The following SPARCL1 variants were observed in gnomAD, a reference collection of about 807,000 sequenced individuals.
The protein encoded by SPARCL1 is SPARC like 1.
A neutral mutation model predicts 67.1 loss-of-function variants in SPARCL1; 52 were observed. The observed-to-expected ratio is 0.78, with a 90% CI of 0.62 to 0.98. SPARCL1 has a LOEUF of 0.98. Among genes scored for constraint, SPARCL1 ranks in the 50% least tolerant of loss-of-function variants. The pLI is 0.00. For synonymous variants in SPARCL1, 226 were observed against 267.8 expected (o/e 0.84, Z 1.52); for missense variants, 717 against 782.4 (o/e 0.92, Z 1.00).
Position 87,494,070 on chromosome 4 carries a change from A to C in SPARCL1, c.730T>G (p.Leu244Val). 1 of 1,613,964 alleles carries C rather than the reference A, an allele frequency of 6.2e-7. No individual in the cohort carries two copies. The highest frequency in any genetic ancestry group is 1.7e-5 in the Admixed American group (1 of 60,010). ...EEDNTQSDDI[L>V]EESDQPTQVS... The stretch of plus-strand genomic sequence containing the variant: ...TGAGTTGGTTGATCAGACTCTTCCA[A>C]AATATCATCAGATTGGGTATTGTCT... Residue 244 changes from leucine to valine, a missense_variant, in exon 4 of 11, where the codon TTG (leucine) becomes GTG (valine). By Grantham distance (32) the Leu-to-Val change is conservative. Coordinates refer to ENST00000282470, the MANE Select transcript of SPARCL1 (RefSeq NM_004684.6).
intron 7 of SPARCL1, among the ~76,000 whole-genome samples, chr4:87,485,615 G>T (rs1216974055): frequency 2.7e-5 from 4 of 148,828 alleles, no homozygotes; most frequent in African/African-American, 9.9e-5. Flanking sequence ...TTTTTCTATT[G>T]TTTGGAATAC....
At chr4:87,523,621 G>A (rs1282296206) in intron 1 of SPARCL1, among the ~76,000 whole-genome samples, 1 of 152,176 alleles carries the variant, frequency 6.6e-6, no homozygotes, top group Non-Finnish European at 1.5e-5. Flanking sequence ...TTACAGCGTG[G>A]ATCCAGTGAA....
chr4:87,528,192 CCTTTCTTTT>C (rs1726131639), intron 1 of SPARCL1: 1 of 136,914 alleles, frequency 7.3e-6, no homozygotes, highest in East Asian at 2.1e-4. Flanking sequence ...CTTTTCTTTT[CCTTTCTTTT>C]CTTTTTTTCT....
intron 1 of SPARCL1, among the ~76,000 whole-genome samples, chr4:87,528,774 G>A (rs183240523): frequency 7.2e-5 from 11 of 152,138 alleles, no homozygotes; most frequent in Admixed American, 2.0e-4. Context: ...CTACTGAGGC[G>A]ATCAACAGTT....
chr4:87,474,743 C>CTTTTTTTTTTTTTT (rs11397474), intron 10 of SPARCL1, among the ~76,000 whole-genome samples: 1 of 130,712 alleles, frequency 7.7e-6, no homozygotes, highest in Non-Finnish European at 1.6e-5. Flanking sequence ...CTCTCTCTCT[C>CTTTTTTTTTTTTTT]TTTTTTTTTT....
At chr4:87,479,160 A>C (rs140782773) in intron 10 of SPARCL1, among the ~76,000 whole-genome samples, 138 of 152,294 alleles carry the variant, frequency 9.1e-4, no homozygotes, top group African/African-American at 3.3e-3. Flanking sequence ...CCAATTCTGG[A>C]TTCACACGTC....
Position 87,498,474 on chromosome 4 carries a change from T to A in SPARCL1, c.54+1047A>T, listed in dbSNP as rs191847864. 2.4e-3 allele frequency among the ~76,000 whole-genome samples: 369 copies of A among 152,308 alleles called. 2 individuals are homozygous for A. Among genetic ancestry groups the A allele is most frequent in the South Asian group, 0.018 (89 of 4,830 alleles). On this transcript the variant is annotated intron_variant, in intron 2 of 10. Transcript: ENST00000282470. Reference sequence around the variant, plus strand: ...CATTTGGTGAAAAAGAAAAAAAATATGGCACGAATCCTTTGGTTTAATGAA... The same window carrying A: ...CATTTGGTGAAAAAGAAAAAAAATAAGGCACGAATCCTTTGGTTTAATGAA...
At chr4:87,476,173 A>T (rs1723575070) in intron 10 of SPARCL1, among the ~76,000 whole-genome samples, 1 of 152,142 alleles carries the variant, frequency 6.6e-6, no homozygotes, top group Non-Finnish European at 1.5e-5. Flanking sequence ...TCAGTGGAAG[A>T]TGCCTCTATT....
intron 4 of SPARCL1, 101 bp from the exon 5 acceptor site, chr4:87,491,791 C>G: frequency 3.6e-6 from 3 of 838,498 alleles, no homozygotes; most frequent in African/African-American, 3.4e-5. Flanking sequence ...TTTTCATGCT[C>G]AAATCATTTC....
intron 7 of SPARCL1, 129 bp from the exon 8 acceptor site, chr4:87,482,689 T>A: frequency 1.1e-6 from 1 of 931,554 alleles, no homozygotes; most frequent in Non-Finnish European, 1.6e-6. Context: ...ATTATGACAG[T>A]GGTCCTCAGC....
intron 1 of SPARCL1, among the ~76,000 whole-genome samples, chr4:87,524,005 C>A (rs772576617): frequency 2.0e-5 from 3 of 152,156 alleles, no homozygotes; most frequent in Non-Finnish European, 4.4e-5. Context: ...TTGCTCCTTG[C>A]TGCATTTCTG....
intron 10 of SPARCL1, among the ~76,000 whole-genome samples, chr4:87,477,975 C>T (rs190771762): frequency 6.6e-6 from 1 of 152,312 alleles, no homozygotes; most frequent in African/African-American, 2.4e-5. Context: ...TCTCTGCTTA[C>T]CTATTTATTA....
chr4:87,491,264 G>T (rs1724314572), intron 5 of SPARCL1, among the ~76,000 whole-genome samples: 1 of 152,136 alleles, frequency 6.6e-6, no homozygotes, highest in Non-Finnish European at 1.5e-5. Flanking sequence ...GTGATAGGGG[G>T]AGGAATAAGG....
intron 1 of SPARCL1, among the ~76,000 whole-genome samples, chr4:87,502,390 C>T (rs12648586): frequency 0.41 from 62,674 of 151,960 alleles, 13,522 homozygotes; most frequent in East Asian, 0.75. Flanking sequence ...TATAGTTTTA[C>T]GTCCTTTAAC....
At chr4:87,490,657 C>T in intron 6 of SPARCL1, 103 bp downstream of exon 6, 3 of 807,838 alleles carry the variant, frequency 3.7e-6, no homozygotes, top group East Asian at 2.5e-5. Context: ...AAATGATAAC[C>T]TAGGTATCTA....
chr4:87,488,712 T>C (rs1399830513), intron 7 of SPARCL1, among the ~76,000 whole-genome samples: 1 of 152,210 alleles, frequency 6.6e-6, no homozygotes, highest in Non-Finnish European at 1.5e-5. Flanking sequence ...CCAGGTGCTC[T>C]GTCCCAAGGA....
chr4:87,521,595 A>G (rs1184560127), intron 1 of SPARCL1, among the ~76,000 whole-genome samples: 1 of 152,198 alleles, frequency 6.6e-6, no homozygotes, highest in Admixed American at 6.5e-5. Context: ...AAAATTTACA[A>G]GTCCTCTTCC....
chr4:87,503,210 C>T (rs1724920076), intron 1 of SPARCL1, among the ~76,000 whole-genome samples: 1 of 152,206 alleles, frequency 6.6e-6, no homozygotes, highest in Non-Finnish European at 1.5e-5. Context: ...ATCTGATAGG[C>T]TTTCAACCAA....
At chr4:87,514,588 G>A (rs924019186) in intron 1 of SPARCL1, among the ~76,000 whole-genome samples, 5 of 152,204 alleles carry the variant, frequency 3.3e-5, no homozygotes, top group Non-Finnish European at 7.3e-5. Context: ...GAAGGACCTT[G>A]TGGGACAATC....
Sources: allele counts gnomAD v4.1 joint callset (sites outside exome capture counted in the v4.1 genomes callset), GRCh38; gene constraint gnomAD v4.1.1; transcripts MANE v1.5; gene names NCBI Gene and HGNC (gene_info 2026-07-23, HGNC 2026-07-21).